Variants in LHFPL3 observed in about 807,000 individuals in gnomAD.
LHFPL3 encodes the protein LHFPL tetraspan subfamily member 3.
LHFPL3 carries 5 observed loss-of-function variants against 19.3 expected under a neutral mutation model. The ratio of observed to expected loss-of-function variants is 0.26; its 90% CI spans 0.14 to 0.54. The LOEUF (loss-of-function observed/expected upper bound fraction) is 0.54. Ranked by LOEUF, LHFPL3 falls within the 20% of genes least tolerant of loss-of-function variation. The probability of loss-of-function intolerance (pLI) is 0.94; values close to 1 mark genes in which losing one functional copy is unlikely to be tolerated. For synonymous variants in LHFPL3, 133 were observed against 126.2 expected (o/e 1.05, Z -0.36); for missense variants, 249 against 307.4 (o/e 0.81, Z 1.42).
chr7:104,737,164 C>T (rs567255401), intron 2 of LHFPL3, among the ~76,000 whole-genome samples: 6 of 149,052 alleles, frequency 4.0e-5, no homozygotes, highest in East Asian at 3.9e-4. Flanking sequence ...TTTTTTTTTC[C>T]GGTTTCTTCT....
intron 2 of LHFPL3, among the ~76,000 whole-genome samples, chr7:104,753,859 T>C (rs1794225561): frequency 6.6e-6 from 1 of 152,216 alleles, no homozygotes; most frequent in African/African-American, 2.4e-5. Context: ...TTTGCACCTT[T>C]CAGGCTGGCA....
chr7:104,789,894 T>C (rs1789988194), intron 2 of LHFPL3, among the ~76,000 whole-genome samples: 1 of 152,176 alleles, frequency 6.6e-6, no homozygotes, highest in Non-Finnish European at 1.5e-5. Flanking sequence ...AGACTGATTA[T>C]GAGCCCTAAT....
At chr7:104,380,799 A>C (rs1439961590) in intron 1 of LHFPL3, among the ~76,000 whole-genome samples, 1 of 152,196 alleles carries the variant, frequency 6.6e-6, no homozygotes, top group East Asian at 1.9e-4. Context: ...TATATACAAT[A>C]CTGAAAATTT....
At chr7:104,583,274 C>T (rs1230553392) in intron 1 of LHFPL3, among the ~76,000 whole-genome samples, 2 of 152,156 alleles carry the variant, frequency 1.3e-5, no homozygotes, top group Non-Finnish European at 2.9e-5. Context: ...AAAGCTGAAA[C>T]TGGATCCCTT....
intron 1 of LHFPL3, among the ~76,000 whole-genome samples, chr7:104,688,566 AC>A (rs1792847444): frequency 8.9e-6 from 1 of 112,568 alleles, no homozygotes; most frequent in Non-Finnish European, 2.0e-5. Flanking sequence ...CAGCCTCCCC[AC>A]CCCCCTGTGG....
chr7:104,898,911 G>A (rs539489599), intron 2 of LHFPL3, among the ~76,000 whole-genome samples: 32 of 152,062 alleles, frequency 2.1e-4, no homozygotes, highest in African/African-American at 7.7e-4. Context: ...GAGCCCAGGA[G>A]TTCGAGACCA....
At chr7:104,646,285 G>A (rs1449249023) in intron 1 of LHFPL3, among the ~76,000 whole-genome samples, 1 of 152,160 alleles carries the variant, frequency 6.6e-6, no homozygotes, top group African/African-American at 2.4e-5. Context: ...TAAAGAATTT[G>A]TTCACTTCCA....
At chr7:104,622,301 T>C (rs951259503) in intron 1 of LHFPL3, among the ~76,000 whole-genome samples, 2 of 152,120 alleles carry the variant, frequency 1.3e-5, no homozygotes, top group Non-Finnish European at 2.9e-5. Flanking sequence ...CTTCTAGAGA[T>C]GGAGTTTTGC....
At chr7:104,343,874 T>C (rs1002299481) in intron 1 of LHFPL3, among the ~76,000 whole-genome samples, 3 of 152,156 alleles carry the variant, frequency 2.0e-5, no homozygotes, top group Non-Finnish European at 1.5e-5. Context: ...TCTTATATTT[T>C]CTTATAGTTT....
intron 2 of LHFPL3, among the ~76,000 whole-genome samples, chr7:104,819,650 C>T (rs1465118198): frequency 6.6e-6 from 1 of 152,226 alleles, no homozygotes; most frequent in Non-Finnish European, 1.5e-5. Flanking sequence ...ACAGCAGCCA[C>T]ATTAATCACT....
chr7:104,737,358 G>T (rs571939457), intron 2 of LHFPL3, among the ~76,000 whole-genome samples: 1 of 152,114 alleles, frequency 6.6e-6, no homozygotes, highest in South Asian at 2.1e-4. Context: ...AACTATTTGT[G>T]ATAATTGAAT....
At chr7:104,432,243 A>T (rs1257223837) in intron 1 of LHFPL3, among the ~76,000 whole-genome samples, 1 of 152,092 alleles carries the variant, frequency 6.6e-6, no homozygotes, top group Non-Finnish European at 1.5e-5. Flanking sequence ...CTGCCTGTAC[A>T]TCCTGTAGCT....
At chr7:104,752,259 C>T (rs1397180491) in intron 2 of LHFPL3, among the ~76,000 whole-genome samples, 1 of 152,140 alleles carries the variant, frequency 6.6e-6, no homozygotes, top group Non-Finnish European at 1.5e-5. Context: ...GTTGACTGAG[C>T]CATTACCGGC....
chr7:104,824,002 C>T (rs750520369), intron 2 of LHFPL3, among the ~76,000 whole-genome samples: 3 of 146,710 alleles, frequency 2.0e-5, no homozygotes, highest in Non-Finnish European at 4.5e-5. Flanking sequence ...AAAAAATAGC[C>T]GGGCATGGTG....
At chr7:104,825,097 A>ATC (rs1790791645) in intron 2 of LHFPL3, among the ~76,000 whole-genome samples, 4 of 150,826 alleles carry the variant, frequency 2.7e-5, no homozygotes, top group Non-Finnish European at 5.9e-5. Flanking sequence ...GAGAGTTAAG[A>ATC]TAGGAGGACC....
At chr7:104,571,221 G>A (rs534446515) in intron 1 of LHFPL3, among the ~76,000 whole-genome samples, 23 of 152,042 alleles carry the variant, frequency 1.5e-4, no homozygotes, top group Admixed American at 2.6e-4. Context: ...ATGCCCTGAA[G>A]TATCTACTTT....
At chr7:104,801,737 A>AT (rs1790250762) in intron 2 of LHFPL3, among the ~76,000 whole-genome samples, 1 of 151,740 alleles carries the variant, frequency 6.6e-6, no homozygotes, top group African/African-American at 2.4e-5. Context: ...CACCCAGCTA[A>AT]TTTTTTGTAT....
intron 1 of LHFPL3, among the ~76,000 whole-genome samples, chr7:104,573,833 T>C (rs765287614): frequency 7.2e-5 from 11 of 152,248 alleles, no homozygotes; most frequent in Admixed American, 2.0e-4. Flanking sequence ...GTATATTGCA[T>C]GGTCCCTTTC....
chr7:104,735,092 G>C (rs889807403), intron 1 of LHFPL3, among the ~76,000 whole-genome samples: 1 of 152,200 alleles, frequency 6.6e-6, no homozygotes, highest in Non-Finnish European at 1.5e-5. Context: ...TCGTCTCAGA[G>C]GGGTACCCCG....
Sources: allele counts gnomAD v4.1 joint callset (sites outside exome capture counted in the v4.1 genomes callset), GRCh38; gene constraint gnomAD v4.1.1; transcripts MANE v1.5; gene names NCBI Gene and HGNC (gene_info 2026-07-23, HGNC 2026-07-21).